Variants in NEFH observed in about 807,000 individuals in gnomAD.
NEFH encodes neurofilament heavy polypeptide.
NEFH carries 58 observed loss-of-function variants against 56.6 expected under a neutral mutation model. The ratio of observed to expected loss-of-function variants is 1.03; its 90% CI spans 0.83 to 1.28. The LOEUF (loss-of-function observed/expected upper bound fraction) is 1.28. Among genes scored for constraint, NEFH ranks in the 50% most tolerant of loss-of-function variants. The pLI, the probability that NEFH is intolerant of heterozygous loss-of-function variation, is 0.00. For missense variants in NEFH, 1,221 were observed against 1,307.6 expected, an observed-to-expected ratio of 0.93 and a Z score of 1.02; for synonymous variants, 542 against 545.8, an observed-to-expected ratio of 0.99 and a Z score of 0.10.
Position 29,490,092 on chromosome 22 carries a change from G to C in NEFH, c.2452G>C (p.Glu818Gln). The C allele has an allele frequency of 6.2e-7, 1 of 1,614,086 alleles. No homozygotes were observed. Among genetic ancestry groups the C allele is most frequent in the Non-Finnish European group, 8.5e-7 (1 of 1,180,020 alleles). Residue 818 changes from glutamate (E) to glutamine (Q), a missense_variant, in exon 4 of 4, where the codon GAA becomes CAA. By Grantham distance (29) the Glu-to-Gln change is conservative. Transcript: ENST00000310624. ...KAPEKEIPKK[E>Q]EVKSPVKEEE... The stretch of plus-strand genomic sequence containing the variant: ...CCCTGAGAAGGAGATCCCAAAAAAG[G>C]AAGAGGTGAAGTCCCCAGTGAAGGA...
At position 29,480,781 on chromosome 22, in the gene NEFH, C is replaced by A; in HGVS notation, c.519C>A (p.His173Gln). The A allele has an allele frequency of 7.0e-7, 1 of 1,434,664 alleles. No homozygotes were observed. Among genetic ancestry groups the A allele is most frequent in the Non-Finnish European group, 9.0e-7 (1 of 1,105,380 alleles). The allele number at this position is 1,434,664 out of a possible 1,614,324, so 88.9% of individuals were successfully genotyped here. Reference protein sequence around the residue: ...ARGQLRLEQEHLLEDIAHVRQ... With the variant: ...ARGQLRLEQEQLLEDIAHVRQ... ...GTCAGCTACGCCTGGAGCAGGAGCA[C>A]CTGCTCGAGGACATCGCGCACGTGC... The change falls in exon 1 of 4, where the codon CAC (histidine) becomes CAA (glutamine). Residue 173 changes from histidine to glutamine, a missense_variant. Coordinates refer to ENST00000310624, the MANE Select transcript of NEFH (RefSeq NM_021076.4).
intron 2 of NEFH, 73 bp from the exon 3 acceptor site, chr22:29,485,649 GC>G: frequency 6.4e-7 from 1 of 1,558,404 alleles, no homozygotes. Flanking sequence ...GGGTCGCACA[GC>G]CCGCCGCAGC....
rs746378708 is a variant in NEFH, at chr22:29,489,106, G to T, written c.1466G>T (p.Gly489Val). 2.5e-6 allele frequency: 4 copies of T among 1,613,190 alleles called. No individual in the cohort carries two copies. The highest frequency in any genetic ancestry group is 2.5e-6 in the Non-Finnish European group (3 of 1,179,548). ...GAGGAGGGCAAGGAGGAAGAAGGGG[G>T]TGAAGAAGAGGAGGCAGAAGGGGGA... Reference protein sequence around the residue: ...KEEEGKEEEGGEEEEAEGGEE... With the variant: ...KEEEGKEEEGVEEEEAEGGEE... The change falls in exon 4 of 4, where the codon GGT becomes GTT. Residue 489 changes from glycine (G) to valine (V), a missense_variant. Gly to Val is a moderately radical substitution (Grantham distance 109). Coordinates refer to ENST00000310624, the MANE Select transcript of NEFH (RefSeq NM_021076.4).
chr22:29,490,917 C>A lies in NEFH; in HGVS notation c.*214C>A. ...CCCCTGCCCCCAGGCCCTCCCCAGG[C>A]GATGGACAATTATGATAGCTTATGT... On this transcript the variant is annotated 3_prime_UTR_variant, in exon 4 of 4. Coordinates refer to ENST00000310624, the MANE Select transcript of NEFH (RefSeq NM_021076.4). The A allele has an allele frequency of 1.2e-6, 1 of 805,648 alleles. No homozygotes were observed. Among genetic ancestry groups the A allele is most frequent in the Non-Finnish European group, 2.0e-6 (1 of 509,742 alleles). 49.9% of individuals were successfully genotyped at this position (805,648 alleles called of 1,614,324 possible).
intron 2 of NEFH, among the ~76,000 whole-genome samples, chr22:29,484,152 A>AAGAGAT (rs1321513053): frequency 3.9e-5 from 6 of 152,132 alleles, no homozygotes; most frequent in Non-Finnish European, 7.3e-5. Context: ...GCCTGGCCTA[A>AAGAGAT]AGAGATATAC....
At chr22:29,481,233 G>C in intron 1 of NEFH, 88 bp downstream of exon 1, 1 of 1,326,910 alleles carries the variant, frequency 7.5e-7, no homozygotes, top group Non-Finnish European at 1.0e-6. Context: ...GGCGCTGCCG[G>C]ACTGCGCGTG....
Position 29,490,570 on chromosome 22 carries a change from A to G in NEFH, c.2930A>G (p.Glu977Gly). The G allele has an allele frequency of 6.2e-7, 1 of 1,613,810 alleles. No homozygotes were observed. The highest frequency in any genetic ancestry group is 8.5e-7 in the Non-Finnish European group (1 of 1,179,958). ...EKPKTEAKAK[E>G]DDKTLSKEPS... ...CCCAAGACAGAGGCCAAAGCCAAGG[A>G]AGATGACAAGACCCTCTCAAAAGAG... The change falls in exon 4 of 4, where the codon GAA (glutamate) becomes GGA (glycine). Residue 977 changes from glutamate (E) to glycine (G), a missense_variant. By Grantham distance (98) the Glu-to-Gly change is moderately conservative. Around this residue, in one of 4 missense-constraint regions of NEFH, gnomAD observed 301 missense variants for 346.6 expected, o/e 0.87. Transcript: ENST00000310624.
In NEFH at chr22:29,489,722, C is replaced by T. The variant is rs1452419487; in HGVS notation, c.2082C>T (p.Ala694=). 14 of 1,607,978 alleles carry T rather than the reference C, an allele frequency of 8.7e-6. No individual in the cohort carries two copies. The highest frequency in any genetic ancestry group is 1.4e-5 in the African/African-American group (1 of 72,422). The change falls in exon 4 of 4, where the codon GCC becomes GCT. Residue 694 remains alanine, a synonymous_variant. Transcript: ENST00000310624. ...CAGAAGCAAAGTCCCCTGAGAAGGC[C>T]AAGTCCCCAGTGAAGGAAGAAGCAA... is the stretch of plus-strand genomic sequence containing the variant. ...VKAEAKSPEK[A]KSPVKEEAKS...
Position 29,481,110 on chromosome 22 carries a change from T to A in NEFH, c.848T>A (p.Val283Glu). The stretch of plus-strand genomic sequence containing the variant: ...CGCGCGCAGCTTGAAGGCCACGCGG[T>A]GCAGAGCACGCTGCAGTCCGAGGAG... ...EIRAQLEGHA[V>E]QSTLQSEEWF... Residue 283 changes from valine (V) to glutamate (E), a missense_variant, in exon 1 of 4, where the codon GTG becomes GAG. Val to Glu is a moderately radical substitution (Grantham distance 121, BLOSUM62 -2). Transcript: ENST00000310624. 6.5e-7 allele frequency: 1 copy of A among 1,527,882 alleles called. No homozygotes were observed. 94.6% of individuals were successfully genotyped at this position (1,527,882 alleles called of 1,614,324 possible).
In NEFH at chr22:29,480,720, T is replaced by TGCGCGGCGCGGTGCTGCGCCTGG. The variant is rs763364083; in HGVS notation, c.469_491dup (p.Gly165CysfsTer29). 31 of 1,508,438 alleles carry TGCGCGGCGCGGTGCTGCGCCTGG rather than the reference T, an allele frequency of 2.1e-5. No individual in the cohort carries two copies. The highest frequency in any genetic ancestry group is 4.3e-5 in the African/African-American group (3 of 70,234). 93.4% of individuals were successfully genotyped at this position (1,508,438 alleles called of 1,614,324 possible). Reference sequence around the variant, plus strand: ...CTGTACGAGCGCGAGGTCCGCGAGATGCGCGGCGCGGTGCTGCGCCTGGGC... The same window carrying TGCGCGGCGCGGTGCTGCGCCTGG: ...CTGTACGAGCGCGAGGTCCGCGAGATGCGCGGCGCGGTGCTGCGCCTGGGCGCGGCGCGGTGCTGCGCCTGGGC... On this transcript the variant is annotated frameshift_variant, in exon 1 of 4. Coordinates refer to ENST00000310624, the MANE Select transcript of NEFH (RefSeq NM_021076.4). LOFTEE classifies it high-confidence loss of function.
chr22:29,488,225 G>C (rs1335589793), intron 3 of NEFH, among the ~76,000 whole-genome samples: 1 of 152,094 alleles, frequency 6.6e-6, no homozygotes, highest in Non-Finnish European at 1.5e-5. Flanking sequence ...TTAACTGGAC[G>C]TGGTGGCGTG....
At chr22:29,481,430 C>T (rs1220487900) in intron 1 of NEFH, among the ~76,000 whole-genome samples, 1 of 152,122 alleles carries the variant, frequency 6.6e-6, no homozygotes, top group Non-Finnish European at 1.5e-5. Context: ...TAGGCGACCC[C>T]ACTCTGAGAT....
chr22:29,491,377 G>A lies in NEFH; in HGVS notation c.*674G>A, dbSNP rs1001634488. On this transcript the variant is annotated 3_prime_UTR_variant, in exon 4 of 4. Transcript: ENST00000310624. ...GTGACACCCCAGACTGCATGGGACTGAGCAAGCATCAGTTCCCTCGTGGGT... is the reference window on the plus strand; with the variant it reads ...GTGACACCCCAGACTGCATGGGACTAAGCAAGCATCAGTTCCCTCGTGGGT... 9 of 175,328 alleles carry A rather than the reference G, an allele frequency of 5.1e-5. No individual in the cohort carries two copies. Among genetic ancestry groups the A allele is most frequent in the African/African-American group, 2.2e-4 (9 of 41,706 alleles). 10.9% of individuals were successfully genotyped at this position (175,328 alleles called of 1,614,324 possible). A position where few individuals can be genotyped will look rare whatever the true frequency, so the allele number is the denominator to read the frequency against.
chr22:29,481,528 C>T (rs1352980988), intron 1 of NEFH, among the ~76,000 whole-genome samples: 1 of 152,158 alleles, frequency 6.6e-6, no homozygotes, highest in Non-Finnish European at 1.5e-5. Flanking sequence ...GACTCTTAGC[C>T]CTTCTAAGTA....
intron 3 of NEFH, among the ~76,000 whole-genome samples, chr22:29,487,647 CACA>C (rs1468270460): frequency 6.6e-6 from 1 of 152,076 alleles, no homozygotes; most frequent in South Asian, 2.1e-4. Context: ...ATAACAACAA[CACA>C]ACAACAACAA....
Position 29,480,780 on chromosome 22 carries a change from AC to A in NEFH, c.520del (p.Leu174CysfsTer12). On this transcript the variant is annotated frameshift_variant, in exon 1 of 4. Transcript: ENST00000310624. LOFTEE classifies it high-confidence loss of function. ...GGTCAGCTACGCCTGGAGCAGGAGCACCTGCTCGAGGACATCGCGCACGTGC... is the reference window on the plus strand; with the variant it reads ...GGTCAGCTACGCCTGGAGCAGGAGCACTGCTCGAGGACATCGCGCACGTGC... ...ARGQLRLEQE[H>X]LLEDIAHVRQ... 1.4e-6 allele frequency: 2 copies of A among 1,435,010 alleles called. No individual in the cohort carries two copies. The highest frequency in any genetic ancestry group is 9.0e-7 in the Non-Finnish European group (1 of 1,105,510). The allele number at this position is 1,435,010 out of a possible 1,614,324, so 88.9% of individuals were successfully genotyped here.
Position 29,491,022 on chromosome 22 carries a change from A to G in NEFH, c.*319A>G, listed in dbSNP as rs2063078671. On this transcript the variant is annotated 3_prime_UTR_variant, in exon 4 of 4. Transcript: ENST00000310624. Reference sequence around the variant, plus strand: ...GCCCCCCTCCTTTCCAAATAAGTGCATTTATTGCCTCTATGTGCAACTGAC... The same window carrying G: ...GCCCCCCTCCTTTCCAAATAAGTGCGTTTATTGCCTCTATGTGCAACTGAC... 9.0e-6 allele frequency: 4 copies of G among 442,872 alleles called. No individual in the cohort carries two copies. The highest frequency in any genetic ancestry group is 1.7e-5 in the Non-Finnish European group (4 of 239,724). 27.4% of individuals were successfully genotyped at this position (442,872 alleles called of 1,614,324 possible).
chr22:29,483,046 C>T (rs1602964297), intron 1 of NEFH, among the ~76,000 whole-genome samples: 2 of 151,998 alleles, frequency 1.3e-5, no homozygotes, highest in African/African-American at 2.4e-5. Context: ...TTTGGGAGGC[C>T]GAGGTGGGCG....
rs1282662345 is a variant in NEFH at position 29,481,163 on chromosome 22, T to TG, written c.883+24dup. 2 of 1,038,808 alleles carry TG rather than the reference T, an allele frequency of 1.9e-6. No homozygotes were observed. Among genetic ancestry groups the TG allele is most frequent in the Non-Finnish European group, 2.5e-6 (2 of 787,456 alleles). The allele number at this position is 1,038,808 out of a possible 1,614,324, so 64.3% of individuals were successfully genotyped here. ...GTTCCGAGGTACGCAGGCGCGCGGG[T>TG]GGGGGGAGGGGCGCCCCTGCTGACC... On this transcript the variant is annotated intron_variant, in intron 1 of 3. Coordinates refer to ENST00000310624, the MANE Select transcript of NEFH (RefSeq NM_021076.4).
Sources: allele counts gnomAD v4.1 joint callset (sites outside exome capture counted in the v4.1 genomes callset), GRCh38; gene constraint gnomAD v4.1.1; regional missense constraint gnomAD v4.1.1; transcripts MANE v1.5; gene names NCBI Gene and HGNC (gene_info 2026-07-23, HGNC 2026-07-21).